Variants in ARHGAP15 observed in about 807,000 individuals in gnomAD.
ARHGAP15 encodes the protein rho GTPase-activating protein 15.
In ARHGAP15, 51 loss-of-function variants were observed where a neutral mutation model predicts 63.7. That is an observed-to-expected ratio of 0.80 (90% CI 0.64 to 1.01). ARHGAP15 has a LOEUF of 1.01. Among genes scored for constraint, ARHGAP15 ranks in the 50% least tolerant of loss-of-function variants. The pLI is 0.00. For missense variants in ARHGAP15, 560 were observed against 564.6 expected, an observed-to-expected ratio of 0.99 and a Z score of 0.08; for synonymous variants, 191 against 193.8, an observed-to-expected ratio of 0.99 and a Z score of 0.12.
intron 9 of ARHGAP15, among the ~76,000 whole-genome samples, chr2:143,510,018 T>TAAAAAAAAAAAAAAAAAAA (rs35469918): frequency 4.1e-5 from 2 of 48,826 alleles, no homozygotes; most frequent in Admixed American, 3.6e-4. Flanking sequence ...GACTCCCTCT[T>TAAAAAAAAAAAAAAAAAAA]AAAAAAAAAA....
intron 6 of ARHGAP15, among the ~76,000 whole-genome samples, chr2:143,320,623 A>G (rs1004361092): frequency 6.6e-6 from 1 of 152,114 alleles, no homozygotes; most frequent in East Asian, 1.9e-4. Context: ...AATCAACAAG[A>G]TGCTGCTCCG....
intron 11 of ARHGAP15, among the ~76,000 whole-genome samples, chr2:143,580,480 G>C (rs965934411): frequency 1.3e-5 from 2 of 151,968 alleles, no homozygotes; most frequent in Non-Finnish European, 2.9e-5. Flanking sequence ...ATGACTTGCC[G>C]GTGACAACAG....
intron 12 of ARHGAP15, among the ~76,000 whole-genome samples, chr2:143,663,120 C>G (rs1681921808): frequency 8.9e-6 from 1 of 112,264 alleles, no homozygotes; most frequent in Non-Finnish European, 1.9e-5. Context: ...TTGTCAGATT[C>G]ACCAAAGTTG....
chr2:143,323,076 G>A (rs530219219), intron 6 of ARHGAP15, among the ~76,000 whole-genome samples: 1 of 152,266 alleles, frequency 6.6e-6, no homozygotes, highest in South Asian at 2.1e-4. Flanking sequence ...TTGGGTTGAT[G>A]TATGTTTTTC....
chr2:143,595,529 C>T (rs1051086683), intron 11 of ARHGAP15, among the ~76,000 whole-genome samples: 1 of 152,108 alleles, frequency 6.6e-6, no homozygotes. Flanking sequence ...GTTTCTTCCT[C>T]CTCCACTAGA....
At chr2:143,387,756 CAG>C (rs967968516) in intron 6 of ARHGAP15, among the ~76,000 whole-genome samples, 2 of 150,696 alleles carry the variant, frequency 1.3e-5, no homozygotes, top group African/African-American at 2.4e-5. Context: ...TGGGAAAAAA[CAG>C]AGTTCTTAAC....
chr2:143,699,134 A>G (rs768996447), intron 12 of ARHGAP15, among the ~76,000 whole-genome samples: 7 of 152,110 alleles, frequency 4.6e-5, no homozygotes, highest in Non-Finnish European at 1.0e-4. Context: ...AGATCTGAAA[A>G]GGTGTCATTT....
intron 6 of ARHGAP15, among the ~76,000 whole-genome samples, chr2:143,288,090 C>A (rs967045506): frequency 2.0e-5 from 3 of 152,168 alleles, no homozygotes; most frequent in Non-Finnish European, 2.9e-5. Flanking sequence ...TGATGAGAAG[C>A]ACGAAGAAGC....
At chr2:143,696,917 T>C (rs1176676984) in intron 12 of ARHGAP15, among the ~76,000 whole-genome samples, 1 of 152,178 alleles carries the variant, frequency 6.6e-6, no homozygotes, top group Non-Finnish European at 1.5e-5. Context: ...GGTTGAACTG[T>C]TTTGACACAG....
intron 2 of ARHGAP15, among the ~76,000 whole-genome samples, chr2:143,178,708 C>A (rs1012496888): frequency 6.6e-6 from 1 of 152,178 alleles, no homozygotes; most frequent in Non-Finnish European, 1.5e-5. Context: ...ATCCTCCCGC[C>A]TCAGCCTCCC....
chr2:143,687,531 C>A lies in ARHGAP15; in HGVS notation c.1139-15888C>A, dbSNP rs13035115. Among the ~76,000 whole-genome samples the A allele has an allele frequency of 6.7e-3, 1,025 of 152,216 alleles. 4 individuals carry two copies. Among genetic ancestry groups the A allele is most frequent in the Middle Eastern group, 0.017 (5 of 294 alleles). On this transcript the variant is annotated intron_variant, in intron 12 of 13. Transcript: ENST00000295095. ...TCTTCTGTACTCTCTCTGCAAGTGCCCCTACGCCCAATAACTTCACCCAGG... is the reference window on the plus strand; with the variant it reads ...TCTTCTGTACTCTCTCTGCAAGTGCACCTACGCCCAATAACTTCACCCAGG...
intron 6 of ARHGAP15, among the ~76,000 whole-genome samples, chr2:143,381,974 C>T (rs1687071289): frequency 6.6e-6 from 1 of 151,936 alleles, no homozygotes; most frequent in African/African-American, 2.4e-5. Flanking sequence ...CCAAAGTATT[C>T]ATCACAATTT....
intron 11 of ARHGAP15, among the ~76,000 whole-genome samples, chr2:143,581,919 G>A (rs957764227): frequency 1.3e-5 from 2 of 152,118 alleles, no homozygotes; most frequent in African/African-American, 4.8e-5. Flanking sequence ...GGAAGGAAGA[G>A]GTCAGTTTCT....
intron 9 of ARHGAP15, among the ~76,000 whole-genome samples, chr2:143,495,738 T>G (rs1014384030): frequency 6.6e-6 from 1 of 152,214 alleles, no homozygotes; most frequent in Non-Finnish European, 1.5e-5. Flanking sequence ...TTTAAATAAT[T>G]TGTTAGAACT....
At chr2:143,550,360 C>A (rs1169443804) in intron 10 of ARHGAP15, among the ~76,000 whole-genome samples, 1 of 152,092 alleles carries the variant, frequency 6.6e-6, no homozygotes, top group Non-Finnish European at 1.5e-5. Context: ...AGAAAAATTA[C>A]CGATCACATA....
intron 6 of ARHGAP15, among the ~76,000 whole-genome samples, chr2:143,313,023 G>A (rs1160377354): frequency 6.6e-6 from 1 of 152,082 alleles, no homozygotes; most frequent in Admixed American, 6.6e-5. Flanking sequence ...CCCAGTAGCA[G>A]TAATTTACTG....
intron 9 of ARHGAP15, among the ~76,000 whole-genome samples, chr2:143,510,648 C>T (rs1225214970): frequency 6.6e-6 from 1 of 152,216 alleles, no homozygotes; most frequent in Non-Finnish European, 1.5e-5. Context: ...TTGCTTAATA[C>T]AGCCACAGTG....
intron 6 of ARHGAP15, among the ~76,000 whole-genome samples, chr2:143,383,908 A>G (rs1558935166): frequency 3.3e-5 from 5 of 152,302 alleles, no homozygotes; most frequent in Middle Eastern, 6.8e-3. Context: ...CTTAGAGTCT[A>G]TGATGAAATA....
intron 13 of ARHGAP15, among the ~76,000 whole-genome samples, chr2:143,712,844 G>GA (rs988869208): frequency 8.7e-4 from 132 of 151,000 alleles, no homozygotes; most frequent in Non-Finnish European, 1.1e-3. Context: ...AATCTAGCAG[G>GA]AAAAAAAATG....
Sources: allele counts gnomAD v4.1 joint callset (sites outside exome capture counted in the v4.1 genomes callset), GRCh38; gene constraint gnomAD v4.1.1; transcripts MANE v1.5; gene names NCBI Gene and HGNC (gene_info 2026-07-23, HGNC 2026-07-21).